The following SLC3A2 variants were observed in gnomAD, a reference collection of about 807,000 sequenced individuals.
SLC3A2 encodes amino acid transporter heavy chain SLC3A2.
Under a neutral mutation model 48.5 loss-of-function variants are expected in SLC3A2, and 32 were observed. The observed-to-expected ratio is 0.66, with a 90% CI of 0.50 to 0.89. The LOEUF (loss-of-function observed/expected upper bound fraction) is 0.89. Among genes scored for constraint, SLC3A2 ranks in the 40% least tolerant of loss-of-function variants. The pLI is 0.00. For synonymous variants in SLC3A2, 277 were observed against 288.8 expected, an observed-to-expected ratio of 0.96 and a Z score of 0.41; for missense variants, 587 against 680.7, an observed-to-expected ratio of 0.86 and a Z score of 1.53.
chr11:62,880,154 G>T (rs1037822961), upstream of SLC3A2, among the ~76,000 whole-genome samples: 4 of 152,200 alleles, frequency 2.6e-5, no homozygotes, highest in Non-Finnish European at 4.4e-5. Context: ...GCAGCTGGGG[G>T]TGGGGTAGGA....
At chr11:62,864,712 C>T (rs1456980575) in intron 1 of SLC3A2, among the ~76,000 whole-genome samples, 6 of 151,626 alleles carry the variant, frequency 4.0e-5, no homozygotes, top group Admixed American at 1.3e-4. Context: ...GTGATCCGCC[C>T]GCCTCGGCCT....
At position 62,888,207 on chromosome 11, in the gene SLC3A2, A is replaced by G. The variant is rs2085739819; in HGVS notation, c.1216A>G (p.Met406Val). Reference sequence around the variant, plus strand: ...CATCCCAGGGGCTGTAAGTGCCAACATGACTGTGAAGGTAAGAGTTCTAGA... The same window carrying G: ...CATCCCAGGGGCTGTAAGTGCCAACGTGACTGTGAAGGTAAGAGTTCTAGA... ...PDIPGAVSAN[M>V]TVKGQSEDPG... Residue 406 changes from methionine (M) to valine (V), a missense_variant, in exon 8 of 9, where the codon ATG becomes GTG. Physicochemically the swap from Met to Val is conservative, Grantham distance 21. This residue lies in a region of SLC3A2 where 169 missense variants were observed against 204.4 expected (regional missense o/e 0.83). Transcript: ENST00000338663. 1.9e-6 allele frequency: 3 copies of G among 1,613,986 alleles called. No homozygotes were observed. Among genetic ancestry groups the G allele is most frequent in the Non-Finnish European group, 2.5e-6 (3 of 1,179,990 alleles).
At chr11:62,866,874 G>C (rs1054449783) in intron 1 of SLC3A2, among the ~76,000 whole-genome samples, 1 of 152,172 alleles carries the variant, frequency 6.6e-6, no homozygotes, top group African/African-American at 2.4e-5. Flanking sequence ...CATGAATGCT[G>C]TGGTTCTACC....
At chr11:62,871,740 TC>T (rs2085519610) in intron 1 of SLC3A2, 1 of 491,924 alleles carries the variant, frequency 2.0e-6, no homozygotes. Flanking sequence ...CGATTTTTTT[TC>T]TTTAAAGATA....
intron 1 of SLC3A2, among the ~76,000 whole-genome samples, chr11:62,873,531 T>C (rs922247074): frequency 6.6e-6 from 1 of 152,104 alleles, no homozygotes; most frequent in African/African-American, 2.4e-5. Context: ...CTCACTATAT[T>C]GCCCAATCTG....
chr11:62,865,421 C>T (rs1289995582), intron 1 of SLC3A2, among the ~76,000 whole-genome samples: 2 of 151,936 alleles, frequency 1.3e-5, no homozygotes, highest in Admixed American at 6.6e-5. Flanking sequence ...GGCATGGTGG[C>T]GTGTGCCCGT....
chr11:62,888,306 T>G, intron 8 of SLC3A2, 25 bp from the exon 9 acceptor site: 1 of 1,611,416 alleles, frequency 6.2e-7, no homozygotes, highest in Admixed American at 1.7e-5. Flanking sequence ...CTCACACGCT[T>G]CTGCTATGTT....
intron 7 of SLC3A2, among the ~76,000 whole-genome samples, chr11:62,887,699 CAA>C (rs753559403): frequency 5.2e-3 from 463 of 89,564 alleles, no homozygotes; most frequent in South Asian, 0.013. Flanking sequence ...GACTCCGTCT[CAA>C]AAAAAAAAAA....
chr11:62,857,675 G>A (rs1256191851), intron 1 of SLC3A2, among the ~76,000 whole-genome samples: 1 of 116,396 alleles, frequency 8.6e-6, no homozygotes, highest in East Asian at 2.9e-4. Flanking sequence ...CAGCCTGGAT[G>A]ACTGAGATTG....
chr11:62,878,095 G>C (rs1392151682), upstream of SLC3A2, among the ~76,000 whole-genome samples: 1 of 151,652 alleles, frequency 6.6e-6, no homozygotes, highest in African/African-American at 2.4e-5. Flanking sequence ...AGAGGCACAG[G>C]TTGCAGTGAG....
rs777378434 is a variant in SLC3A2 at position 62,885,239 on chromosome 11, A to G, written c.881A>G (p.Asn294Ser). ...CAGATCCTGAGCCTACTCGAATCCA[A>G]CAAAGACTTGCTGTTGACTAGCTCA... ...LQQILSLLESNKDLLLTSSYL... is the reference protein window; with the variant it reads ...LQQILSLLESSKDLLLTSSYL... The change falls in exon 6 of 9, where the codon AAC (asparagine) becomes AGC (serine). Residue 294 changes from asparagine to serine, a missense_variant. Coordinates refer to ENST00000338663, the MANE Select transcript of SLC3A2 (RefSeq NM_001013251.3). 10 of 1,614,024 alleles carry G rather than the reference A, an allele frequency of 6.2e-6. No individual in the cohort carries two copies. Among genetic ancestry groups the G allele is most frequent in the South Asian group, 2.2e-5 (2 of 91,094 alleles).
At chr11:62,888,262 C>A (rs559954983) in intron 8 of SLC3A2, 44 bp downstream of exon 8, 6 of 1,609,770 alleles carry the variant, frequency 3.7e-6, no homozygotes, top group Non-Finnish European at 5.1e-6. Flanking sequence ...GGAGGGTGGG[C>A]TGGGCTTGTA....
chr11:62,876,959 T>A (rs2085576880), upstream of SLC3A2: 1 of 989,822 alleles, frequency 1.0e-6, no homozygotes, highest in Admixed American at 6.2e-5. Flanking sequence ...CAGCAACAGG[T>A]TTATCTTGAT....
At chr11:62,867,297 C>G (rs1015685039) in intron 1 of SLC3A2, among the ~76,000 whole-genome samples, 2 of 145,524 alleles carry the variant, frequency 1.4e-5, no homozygotes, top group African/African-American at 5.1e-5. Context: ...TGGCCTATTT[C>G]CCTTTATTCT....
rs1477978654 is a variant in SLC3A2, at chr11:62,881,197, T to G, written c.174T>G (p.Ala58=). The stretch of plus-strand genomic sequence containing the variant: ...ACGAGGCGGAGGCGGCAGCCGCGGC[T>G]AAGTTCACGGGCCTGTCCAAGGAGG... The part of the protein sequence containing the change: ...AEDEAEAAAA[A]KFTGLSKEEL... Residue 58 remains alanine (A), a synonymous_variant, in exon 1 of 9, where the codon GCT becomes GCG. Coordinates refer to ENST00000338663, the MANE Select transcript of SLC3A2 (RefSeq NM_001013251.3). This position sits in a 1 kb window ranked among gnomAD's most constrained non-coding sequence, Gnocchi z 4.0. 2.5e-6 allele frequency: 4 copies of G among 1,592,476 alleles called. No individual in the cohort carries two copies. In the African/African-American group the frequency reaches 4.0e-5, roughly 16 times the overall value.
At chr11:62,858,009 C>T (rs2085357372) in intron 1 of SLC3A2, among the ~76,000 whole-genome samples, 1 of 151,748 alleles carries the variant, frequency 6.6e-6, no homozygotes, top group Non-Finnish European at 1.5e-5. Context: ...ATAAGCAGGA[C>T]CTTGAATGCA....
intron 5 of SLC3A2, 35 bp from the exon 6 acceptor site, chr11:62,885,142 T>C: frequency 6.2e-7 from 1 of 1,608,992 alleles, no homozygotes; most frequent in South Asian, 1.1e-5. Context: ...CATTCTTTCT[T>C]GTGCTAACCT....
intron 8 of SLC3A2, 51 bp downstream of exon 8, chr11:62,888,269 T>C: frequency 6.2e-7 from 1 of 1,609,694 alleles, no homozygotes; most frequent in Non-Finnish European, 8.5e-7. Flanking sequence ...GGGCTGGGCT[T>C]GTAGAAGTCT....
upstream of SLC3A2, among the ~76,000 whole-genome samples, chr11:62,878,472 T>A (rs1565251101): frequency 6.6e-6 from 1 of 151,556 alleles, no homozygotes; most frequent in Admixed American, 6.6e-5. Context: ...GATGATAATT[T>A]TTTTTTTTTT....
Sources: gnomAD v4.1 joint callset for allele counts (sites outside exome capture counted in the v4.1 genomes callset) on GRCh38, gnomAD v4.1.1 for gene constraint, gnomAD v4.1.1 regional missense constraint, Gnocchi (gnomAD v3.1) non-coding constraint, MANE v1.5 for transcripts, NCBI Gene and HGNC (gene_info 2026-07-23, HGNC 2026-07-21) for gene names.